The following LRMDA variants were observed in gnomAD, a reference collection of about 807,000 sequenced individuals.
The protein encoded by LRMDA is leucine-rich melanocyte differentiation-associated protein.
A neutral mutation model predicts 29.8 loss-of-function variants in LRMDA; 18 were observed. That is an observed-to-expected ratio of 0.60 (90% CI 0.42 to 0.90). The LOEUF (loss-of-function observed/expected upper bound fraction) is 0.90, where lower values mean the gene tolerates loss of function less well. Among genes scored for constraint, LRMDA ranks in the 40% least tolerant of loss-of-function variants. The pLI is 0.00. For missense variants in LRMDA, 273 were observed against 273.9 expected, an observed-to-expected ratio of 1.00 and a Z score of 0.02; for synonymous variants, 125 against 109.4, an observed-to-expected ratio of 1.14 and a Z score of -0.89.
chr10:75,518,146 T>C (rs995135616), intron 2 of LRMDA, among the ~76,000 whole-genome samples: 3 of 152,248 alleles, frequency 2.0e-5, no homozygotes, highest in African/African-American at 7.2e-5. Flanking sequence ...ATCAGTGATA[T>C]TGGTCTAAAA....
intron 5 of LRMDA, among the ~76,000 whole-genome samples, chr10:76,230,554 C>CAA (rs36026287): frequency 0.016 from 1,888 of 115,024 alleles, 46 homozygotes; most frequent in African/African-American, 0.052. Context: ...GTTAAGAGGG[C>CAA]AAAAAAAAAA....
At chr10:75,810,569 A>C (rs1843940891) in intron 2 of LRMDA, among the ~76,000 whole-genome samples, 1 of 152,230 alleles carries the variant, frequency 6.6e-6, no homozygotes, top group Non-Finnish European at 1.5e-5. Context: ...GCCACTTTTG[A>C]TCTGCAGAAA....
intron 2 of LRMDA, among the ~76,000 whole-genome samples, chr10:75,548,449 A>G (rs1840104696): frequency 6.6e-6 from 1 of 152,076 alleles, no homozygotes; most frequent in Non-Finnish European, 1.5e-5. Flanking sequence ...CTCTAATTTT[A>G]ATACTCTGGG....
rs1589219772 is a variant in LRMDA at position 75,825,403 on chromosome 10, A to G, written c.132-210605A>G. Among the ~76,000 whole-genome samples the G allele has an allele frequency of 5.3e-5, 8 of 152,232 alleles. 1 individual carries two copies. In the South Asian group the frequency reaches 1.7e-3, roughly 31 times the overall value. Reference sequence around the variant, plus strand: ...GCGCTAGGCACGTGATTTACCACCTATAGTAAACAGGGCTTCACACATGGT... The same window carrying G: ...GCGCTAGGCACGTGATTTACCACCTGTAGTAAACAGGGCTTCACACATGGT... On this transcript the variant is annotated intron_variant, in intron 2 of 6. Coordinates refer to ENST00000611255, the MANE Select transcript of LRMDA (RefSeq NM_001305581.2).
At chr10:75,732,261 C>T (rs1842708691) in intron 2 of LRMDA, among the ~76,000 whole-genome samples, 1 of 152,120 alleles carries the variant, frequency 6.6e-6, no homozygotes, top group Non-Finnish European at 1.5e-5. Flanking sequence ...GGTATGCTTA[C>T]AGGGAAGCAT....
intron 2 of LRMDA, among the ~76,000 whole-genome samples, chr10:75,628,639 C>T (rs1172789009): frequency 6.6e-6 from 1 of 152,242 alleles, no homozygotes; most frequent in East Asian, 1.9e-4. Flanking sequence ...CAGCTTGGTT[C>T]TGCTTGCTGA....
At chr10:76,368,117 G>T (rs1434179486) in intron 6 of LRMDA, among the ~76,000 whole-genome samples, 1 of 151,920 alleles carries the variant, frequency 6.6e-6, no homozygotes. Flanking sequence ...CTGCGATCTT[G>T]GTTATTTCTT....
chr10:76,409,189 A>T (rs972353674), intron 6 of LRMDA, among the ~76,000 whole-genome samples: 1 of 152,090 alleles, frequency 6.6e-6, no homozygotes, highest in African/African-American at 2.4e-5. Context: ...TAATGGTGAG[A>T]TTGTCAGTGA....
intron 2 of LRMDA, among the ~76,000 whole-genome samples, chr10:75,644,206 A>AG (rs1841488107): frequency 6.6e-6 from 1 of 152,148 alleles, no homozygotes; most frequent in Non-Finnish European, 1.5e-5. Flanking sequence ...TGCTGGGAAG[A>AG]GGGGTAAATC....
chr10:75,541,605 T>G (rs1390332428), intron 2 of LRMDA, among the ~76,000 whole-genome samples: 1 of 152,196 alleles, frequency 6.6e-6, no homozygotes, highest in Non-Finnish European at 1.5e-5. Context: ...ACATAGTGTT[T>G]GTTTAAAGCA....
chr10:75,950,775 A>G (rs1456445060), intron 2 of LRMDA, among the ~76,000 whole-genome samples: 2 of 152,210 alleles, frequency 1.3e-5, no homozygotes, highest in African/African-American at 4.8e-5. Context: ...CTCTGCACAC[A>G]GTGATCACTC....
chr10:75,597,001 T>C (rs561377545), intron 2 of LRMDA, among the ~76,000 whole-genome samples: 13 of 151,700 alleles, frequency 8.6e-5, no homozygotes, highest in Non-Finnish European at 1.6e-4. Flanking sequence ...TAAGGGCTCA[T>C]GTACTTAGTT....
At chr10:76,098,437 A>G (rs1391611482) in intron 5 of LRMDA, among the ~76,000 whole-genome samples, 1 of 152,202 alleles carries the variant, frequency 6.6e-6, no homozygotes, top group Non-Finnish European at 1.5e-5. Context: ...GTGTCTTCAA[A>G]GGGATTTGAC....
At chr10:76,007,913 G>C (rs2132476306) in intron 2 of LRMDA, among the ~76,000 whole-genome samples, 4 of 152,206 alleles carry the variant, frequency 2.6e-5, no homozygotes, top group Admixed American at 2.6e-4. Context: ...TTCGATTTTG[G>C]GTCATTAACC....
intron 2 of LRMDA, among the ~76,000 whole-genome samples, chr10:75,545,898 G>T (rs990463943): frequency 4.6e-5 from 7 of 152,166 alleles, no homozygotes; most frequent in African/African-American, 1.7e-4. Flanking sequence ...CTGGATTCTG[G>T]AAGGTCTTAG....
At chr10:76,262,441 C>T (rs1174883705) in intron 5 of LRMDA, among the ~76,000 whole-genome samples, 4 of 152,186 alleles carry the variant, frequency 2.6e-5, no homozygotes, top group African/African-American at 9.7e-5. Flanking sequence ...AGTATAGTCA[C>T]TTGGCATTCA....
At chr10:76,546,787 G>GT (rs1843425567) in intron 6 of LRMDA, among the ~76,000 whole-genome samples, 1 of 149,986 alleles carries the variant, frequency 6.7e-6, no homozygotes, top group South Asian at 2.1e-4. Flanking sequence ...TTGTTTGTTT[G>GT]TTTTTTAATA....
chr10:75,773,330 G>C (rs894521026), intron 2 of LRMDA, among the ~76,000 whole-genome samples: 24 of 152,202 alleles, frequency 1.6e-4, no homozygotes, highest in African/African-American at 5.8e-4. Flanking sequence ...ACTAGGTGAA[G>C]GGATTGACCA....
chr10:75,621,408 C>G (rs1466950815), intron 2 of LRMDA, among the ~76,000 whole-genome samples: 2 of 152,198 alleles, frequency 1.3e-5, no homozygotes, highest in African/African-American at 4.8e-5. Flanking sequence ...ACTTCTTTCT[C>G]CACAAAGTCT....
Sources: gnomAD v4.1 joint callset for allele counts (sites outside exome capture counted in the v4.1 genomes callset) on GRCh38, gnomAD v4.1.1 for gene constraint, MANE v1.5 for transcripts, NCBI Gene and HGNC (gene_info 2026-07-23, HGNC 2026-07-21) for gene names.